Variants in ZMYM4 observed in about 807,000 individuals in gnomAD.
ZMYM4 encodes the protein zinc finger MYM-type protein 4.
Under a neutral mutation model 183.2 loss-of-function variants are expected in ZMYM4, and 31 were observed. The observed-to-expected ratio is 0.17, with a 90% CI of 0.13 to 0.23. The LOEUF (loss-of-function observed/expected upper bound fraction) is 0.23. ZMYM4 is among the 10% of genes least tolerant of loss of function. The pLI, the probability that ZMYM4 is intolerant of heterozygous loss-of-function variation, is 1.00. For synonymous variants in ZMYM4, 592 were observed against 631.2 expected (o/e 0.94, Z 0.93); for missense variants, 1,273 against 1,840.3 (o/e 0.69, Z 5.64).
chr1:35,347,665 A>G (rs572500929), intron 2 of ZMYM4, among the ~76,000 whole-genome samples: 1 of 152,286 alleles, frequency 6.6e-6, no homozygotes, highest in South Asian at 2.1e-4. Context: ...TTTTTGTTTT[A>G]TAAGTAACAG....
At chr1:35,325,427 AC>A (rs1642463666) in intron 2 of ZMYM4, 22 bp downstream of exon 2, 1 of 1,596,798 alleles carries the variant, frequency 6.3e-7, no homozygotes, top group African/African-American at 1.3e-5. Flanking sequence ...TTGAGAAAAA[AC>A]AATCATGTCT....
At chr1:35,282,254 G>A (rs141180452) in intron 1 of ZMYM4, among the ~76,000 whole-genome samples, 117 of 152,310 alleles carry the variant, frequency 7.7e-4, no homozygotes, top group African/African-American at 1.9e-3. Flanking sequence ...GGATAGTGGG[G>A]ACACTGCCCT....
Position 35,367,925 on chromosome 1 carries a change from G to A in ZMYM4, c.841-2104G>A, listed in dbSNP as rs528222875. Among the ~76,000 whole-genome samples the A allele has an allele frequency of 1.1e-4, 16 of 152,148 alleles. 2 individuals are homozygous for A. The highest frequency in any genetic ancestry group is 3.9e-4 in the East Asian group (2 of 5,158). Reference sequence around the variant, plus strand: ...CAGGAGGCAGAGGTTGCAGTGAGCCGAGGTTGAGCTAGCCTGGGTGACAGA... The same window carrying A: ...CAGGAGGCAGAGGTTGCAGTGAGCCAAGGTTGAGCTAGCCTGGGTGACAGA... On this transcript the variant is annotated intron_variant, in intron 5 of 29. Transcript: ENST00000314607.
intron 2 of ZMYM4, among the ~76,000 whole-genome samples, chr1:35,356,379 G>A (rs1386249860): frequency 6.6e-6 from 1 of 152,118 alleles, no homozygotes; most frequent in African/African-American, 2.4e-5. Context: ...ATGCTATGTG[G>A]TCAGCTACTA....
Position 35,374,334 on chromosome 1 carries a change from C to T in ZMYM4, c.1181+3707C>T, listed in dbSNP as rs188153069. 1.2e-3 allele frequency among the ~76,000 whole-genome samples: 188 copies of T among 151,996 alleles called. 1 individual carries two copies. Among genetic ancestry groups the T allele is most frequent in the Non-Finnish European group, 2.2e-3 (150 of 67,926 alleles). On this transcript the variant is annotated intron_variant, in intron 7 of 29. Transcript: ENST00000314607. ...CAGGCATGAGCCACCGTGCCCGGCACTCATCATGGGATTGTAAGACTTAAA... is the reference window on the plus strand; with the variant it reads ...CAGGCATGAGCCACCGTGCCCGGCATTCATCATGGGATTGTAAGACTTAAA...
intron 7 of ZMYM4, among the ~76,000 whole-genome samples, chr1:35,378,095 CT>C (rs1381229380): frequency 6.6e-6 from 1 of 152,140 alleles, no homozygotes; most frequent in East Asian, 1.9e-4. Flanking sequence ...GAAGCAACTC[CT>C]TATCTGTTCA....
intron 1 of ZMYM4, among the ~76,000 whole-genome samples, chr1:35,310,703 C>G (rs373721633): frequency 6.6e-6 from 1 of 152,106 alleles, no homozygotes; most frequent in African/African-American, 2.4e-5. Flanking sequence ...TTCAGCCTCC[C>G]GAGTAGCTGG....
At chr1:35,378,797 C>A (rs796727726) in intron 7 of ZMYM4, among the ~76,000 whole-genome samples, 9 of 152,230 alleles carry the variant, frequency 5.9e-5, no homozygotes, top group African/African-American at 2.2e-4. Flanking sequence ...TTAGTGTAGC[C>A]GCCATCATAA....
At chr1:35,416,328 A>G (rs1354571617) in intron 28 of ZMYM4, among the ~76,000 whole-genome samples, 1 of 152,198 alleles carries the variant, frequency 6.6e-6, no homozygotes, top group African/African-American at 2.4e-5. Context: ...TATTTTTTGA[A>G]TAGAATCATA....
chr1:35,390,200 T>C (rs1644674278), intron 15 of ZMYM4, 102 bp downstream of exon 15: 1 of 1,286,074 alleles, frequency 7.8e-7, no homozygotes, highest in Non-Finnish European at 1.0e-6. Flanking sequence ...ATTAATTTCA[T>C]GAAACCTCAG....
chr1:35,393,862 T>A (rs1232977289), intron 18 of ZMYM4, 123 bp downstream of exon 18: 2 of 1,138,594 alleles, frequency 1.8e-6, no homozygotes, highest in African/African-American at 3.2e-5. Context: ...CATTGCCCAA[T>A]TTAGTTCTCA....
At chr1:35,374,019 C>CTTTTTTTT (rs397863926) in intron 7 of ZMYM4, among the ~76,000 whole-genome samples, 5 of 52,792 alleles carry the variant, frequency 9.5e-5, no homozygotes, top group Admixed American at 2.1e-4. Flanking sequence ...TCATGGGATT[C>CTTTTTTTT]TTTTTTTTTT....
intron 23 of ZMYM4, among the ~76,000 whole-genome samples, chr1:35,404,490 T>C (rs370593905): frequency 7.2e-5 from 11 of 152,336 alleles, no homozygotes; most frequent in African/African-American, 2.4e-4. Context: ...CACAGAAATT[T>C]TGGTAAATTT....
chr1:35,391,591 G>C (rs542092260), intron 15 of ZMYM4, among the ~76,000 whole-genome samples: 1 of 152,226 alleles, frequency 6.6e-6, no homozygotes, highest in Non-Finnish European at 1.5e-5. Flanking sequence ...AAAAACATTA[G>C]GCTGAATTGT....
At chr1:35,272,438 A>G (rs1017830324) in intron 1 of ZMYM4, among the ~76,000 whole-genome samples, 4 of 152,236 alleles carry the variant, frequency 2.6e-5, no homozygotes, top group East Asian at 1.9e-4. Flanking sequence ...CCTTTAACAT[A>G]GTATCTATTT....
chr1:35,405,266 T>C, intron 24 of ZMYM4, 72 bp downstream of exon 24: 1 of 1,584,362 alleles, frequency 6.3e-7, no homozygotes, highest in Non-Finnish European at 8.6e-7. Flanking sequence ...TGAAAAGGGA[T>C]ACATTTTAGG....
intron 2 of ZMYM4, among the ~76,000 whole-genome samples, chr1:35,357,277 G>A (rs79142858): frequency 3.9e-5 from 6 of 152,140 alleles, no homozygotes; most frequent in Non-Finnish European, 7.3e-5. Context: ...GGAATTTATT[G>A]GATTCCATAA....
chr1:35,399,068 T>C, intron 22 of ZMYM4, 25 bp downstream of exon 22: 1 of 1,607,888 alleles, frequency 6.2e-7, no homozygotes, highest in Non-Finnish European at 8.5e-7. Flanking sequence ...ACCTGTCCAC[T>C]GAAAGCTTTT....
chr1:35,396,818 G>A (rs1362571829), intron 19 of ZMYM4, 148 bp downstream of exon 19: 3 of 980,352 alleles, frequency 3.1e-6, no homozygotes, highest in Non-Finnish European at 4.2e-6. Flanking sequence ...TACTTAACAT[G>A]GATTATATAA....
Sources: gnomAD v4.1 joint callset for allele counts (sites outside exome capture counted in the v4.1 genomes callset) on GRCh38, gnomAD v4.1.1 for gene constraint, MANE v1.5 for transcripts, NCBI Gene and HGNC (gene_info 2026-07-23, HGNC 2026-07-21) for gene names.